Variants in WWC1 observed in about 807,000 individuals in gnomAD.
WWC1 encodes the protein WW and C2 domain containing 1.
Under a neutral mutation model 138.4 loss-of-function variants are expected in WWC1, and 55 were observed. That is an observed-to-expected ratio of 0.40 (90% CI 0.32 to 0.50). The LOEUF (loss-of-function observed/expected upper bound fraction) is 0.50. Ranked by LOEUF, WWC1 falls within the 20% of genes least tolerant of loss-of-function variation. The pLI, the probability that WWC1 is intolerant of heterozygous loss-of-function variation, is 0.72. For synonymous variants in WWC1, 524 were observed against 564.9 expected (o/e 0.93, Z 1.03); for missense variants, 1,226 against 1,420.4 (o/e 0.86, Z 2.20).
rs887285938 is a variant in WWC1, at chr5:168,455,483, CCTT to C, written c.2789_2791del (p.Phe930del). 5.0e-6 allele frequency: 8 copies of C among 1,613,096 alleles called. No homozygotes were observed. The Admixed American group carries it at 1.0e-4, about 20-fold the overall frequency. On this transcript the variant is annotated inframe_deletion, in exon 19 of 23. Coordinates refer to ENST00000265293, the MANE Select transcript of WWC1 (RefSeq NM_015238.3). ...GGGAGCACCATCATCCGCTCTAAGA[CCTT>C]CTCCCCAGGACCCCAGAGCCAGTAC...
intron 1 of WWC1, among the ~76,000 whole-genome samples, chr5:168,340,076 C>CTT (rs1773920571): frequency 7.3e-6 from 1 of 136,914 alleles, no homozygotes; most frequent in African/African-American, 3.0e-5. Flanking sequence ...TCTTCTCTTT[C>CTT]TCTCTCTCTT....
At chr5:168,370,902 G>A (rs1394519143) in intron 1 of WWC1, among the ~76,000 whole-genome samples, 2 of 152,176 alleles carry the variant, frequency 1.3e-5, no homozygotes, top group African/African-American at 4.8e-5. Context: ...ACTGCTCATT[G>A]GCCAAACTCA....
chr5:168,420,783 C>CT (rs1447634698), intron 9 of WWC1, among the ~76,000 whole-genome samples: 1 of 152,200 alleles, frequency 6.6e-6, no homozygotes, highest in African/African-American at 2.4e-5. Context: ...CAGGCACTGT[C>CT]TCTGTCTCTG....
At chr5:168,383,566 G>T (rs1458342202) in intron 2 of WWC1, among the ~76,000 whole-genome samples, 1 of 152,188 alleles carries the variant, frequency 6.6e-6, no homozygotes, top group Non-Finnish European at 1.5e-5. Flanking sequence ...TGACATAAAT[G>T]AATGAAGCAG....
chr5:168,402,328 G>T lies in WWC1; in HGVS notation c.590+2761G>T, dbSNP rs375158311. Among the ~76,000 whole-genome samples, 791 of 152,320 alleles carry T rather than the reference G, an allele frequency of 5.2e-3. 5 individuals carry two copies. Among genetic ancestry groups the T allele is most frequent in the Non-Finnish European group, 8.2e-3 (559 of 68,038 alleles). Reference sequence around the variant, plus strand: ...AGGAATGTAGTCTTGAGAGGCAGGTGGTCAGGGTTCAAATCCCAGTTCCCT... The same window carrying T: ...AGGAATGTAGTCTTGAGAGGCAGGTTGTCAGGGTTCAAATCCCAGTTCCCT... On this transcript the variant is annotated intron_variant, in intron 5 of 22. Transcript: ENST00000265293.
At chr5:168,300,708 C>T (rs1769985728) in intron 1 of WWC1, among the ~76,000 whole-genome samples, 1 of 152,098 alleles carries the variant, frequency 6.6e-6, no homozygotes, top group African/African-American at 2.4e-5. Context: ...TGCTGACTTT[C>T]CCCAGTCGGC....
At chr5:168,457,507 C>T (rs761862359) in intron 19 of WWC1, among the ~76,000 whole-genome samples, 5 of 152,172 alleles carry the variant, frequency 3.3e-5, no homozygotes, top group Admixed American at 6.5e-5. Context: ...CTGCCTGTAC[C>T]GGTCAGGGTT....
intron 1 of WWC1, among the ~76,000 whole-genome samples, chr5:168,298,809 C>T (rs1769797198): frequency 1.3e-5 from 2 of 152,070 alleles, no homozygotes; most frequent in African/African-American, 4.8e-5. Context: ...ACCGGCCGGG[C>T]GCAGTGGCTC....
chr5:168,433,364 T>C (rs1437209508), intron 15 of WWC1, among the ~76,000 whole-genome samples: 1 of 152,238 alleles, frequency 6.6e-6, no homozygotes, highest in Non-Finnish European at 1.5e-5. Flanking sequence ...AGCAAGAATG[T>C]AGAGCAGCAA....
chr5:168,369,353 C>T (rs78345460), intron 1 of WWC1, among the ~76,000 whole-genome samples: 13 of 152,162 alleles, frequency 8.5e-5, no homozygotes, highest in African/African-American at 3.1e-4. Flanking sequence ...CTCACACAGC[C>T]AGTAAGTGAT....
chr5:168,306,743 T>G (rs535934243), intron 1 of WWC1, among the ~76,000 whole-genome samples: 195 of 152,270 alleles, frequency 1.3e-3, no homozygotes, highest in African/African-American at 4.5e-3. Context: ...ATTATAGGCA[T>G]GCACCACCAC....
At chr5:168,402,407 C>T (rs1443399940) in intron 5 of WWC1, among the ~76,000 whole-genome samples, 1 of 152,154 alleles carries the variant, frequency 6.6e-6, no homozygotes, top group East Asian at 1.9e-4. Flanking sequence ...ATTTGAAAAA[C>T]TAGGGATTGT....
At chr5:168,367,472 C>T (rs1387762072) in intron 1 of WWC1, among the ~76,000 whole-genome samples, 2 of 150,370 alleles carry the variant, frequency 1.3e-5, no homozygotes, top group African/African-American at 4.9e-5. Context: ...GCTGGGACTA[C>T]AGGCGCCCGC....
At chr5:168,392,101 C>A (rs1778556799) in intron 3 of WWC1, among the ~76,000 whole-genome samples, 2 of 152,112 alleles carry the variant, frequency 1.3e-5, no homozygotes, top group African/African-American at 4.8e-5. Flanking sequence ...CATCTTCAGT[C>A]TGGCAAATGA....
chr5:168,326,259 C>T (rs1772535481), intron 1 of WWC1, among the ~76,000 whole-genome samples: 1 of 139,596 alleles, frequency 7.2e-6, no homozygotes, highest in South Asian at 2.2e-4. Flanking sequence ...CTCTTGTTGC[C>T]CAGACTGGAG....
Position 168,292,405 on chromosome 5 carries a change from C to A in WWC1, c.119+134C>A. 3 of 1,009,972 alleles carry A rather than the reference C, an allele frequency of 3.0e-6. No individual in the cohort carries two copies. The highest frequency in any genetic ancestry group is 1.7e-5 in the South Asian group (1 of 59,590). The allele number at this position is 1,009,972 out of a possible 1,614,324, so 62.6% of individuals were successfully genotyped here. A position where few individuals can be genotyped will look rare whatever the true frequency, so the allele number is the denominator to read the frequency against. Reference sequence around the variant, plus strand: ...TCTTGAGCTCTCTTCAGTTCGCCACCCCCTGCTCCCCCCAACCTTCTGGAG... The same window carrying A: ...TCTTGAGCTCTCTTCAGTTCGCCACACCCTGCTCCCCCCAACCTTCTGGAG... On this transcript the variant is annotated intron_variant, in intron 1 of 22. Coordinates refer to ENST00000265293, the MANE Select transcript of WWC1 (RefSeq NM_015238.3). This position sits in a 1 kb window ranked among gnomAD's most constrained non-coding sequence, Gnocchi z 4.4.
At chr5:168,455,932 G>GT (rs1219386664) in intron 19 of WWC1, among the ~76,000 whole-genome samples, 3 of 151,682 alleles carry the variant, frequency 2.0e-5, no homozygotes, top group South Asian at 2.1e-4. Context: ...AGTTTGTTTT[G>GT]TTTTTTTTAA....
chr5:168,301,984 C>G (rs1581857837), intron 1 of WWC1, among the ~76,000 whole-genome samples: 4 of 152,318 alleles, frequency 2.6e-5, no homozygotes, highest in Middle Eastern at 3.4e-3. Context: ...CCTCCTCCCC[C>G]AGTCTTATCA....
chr5:168,323,098 A>G (rs1008503182), intron 1 of WWC1, among the ~76,000 whole-genome samples: 4 of 152,258 alleles, frequency 2.6e-5, no homozygotes, highest in African/African-American at 9.6e-5. Context: ...ATGTTTAAAG[A>G]TTTAAAATAA....
Sources: allele counts gnomAD v4.1 joint callset (sites outside exome capture counted in the v4.1 genomes callset), GRCh38; gene constraint gnomAD v4.1.1; non-coding constraint Gnocchi (gnomAD v3.1); transcripts MANE v1.5; gene names NCBI Gene and HGNC (gene_info 2026-07-23, HGNC 2026-07-21).